The following PALD1 variants were observed in gnomAD, a reference collection of about 807,000 sequenced individuals.
The protein encoded by PALD1 is paladin.
Under a neutral mutation model 96.0 loss-of-function variants are expected in PALD1, and 57 were observed. That is an observed-to-expected ratio of 0.59 (90% confidence interval 0.48 to 0.74). The LOEUF is 0.74. Ranked by LOEUF, PALD1 falls within the 30% of genes least tolerant of loss-of-function variation. The pLI, the probability that PALD1 is intolerant of heterozygous loss-of-function variation, is 0.00. For missense variants in PALD1, 1,063 were observed against 1,143.7 expected (o/e 0.93, Z 1.02); for synonymous variants, 464 against 473.6 (o/e 0.98, Z 0.26).
At chr10:70,554,905 C>A (rs1847561102) in intron 18 of PALD1, among the ~76,000 whole-genome samples, 1 of 93,046 alleles carries the variant, frequency 1.1e-5, no homozygotes, top group South Asian at 5.0e-4. Flanking sequence ...TTTGAGCCTC[C>A]CCTCCCCTCT....
At chr10:70,484,208 G>A (rs1256309524) in intron 1 of PALD1, among the ~76,000 whole-genome samples, 1 of 152,094 alleles carries the variant, frequency 6.6e-6, no homozygotes, top group African/African-American at 2.4e-5. Flanking sequence ...TCACCGCATT[G>A]GCCAGGCTGG....
At chr10:70,498,352 T>G (rs1302868085) in intron 1 of PALD1, among the ~76,000 whole-genome samples, 1 of 152,142 alleles carries the variant, frequency 6.6e-6, no homozygotes, top group East Asian at 1.9e-4. Context: ...TGGTCCTAGC[T>G]CACTGCAACC....
intron 19 of PALD1, among the ~76,000 whole-genome samples, chr10:70,565,744 G>A (rs1847834535): frequency 6.6e-6 from 1 of 152,296 alleles, no homozygotes; most frequent in Admixed American, 6.5e-5. Flanking sequence ...GCCTTCTTGA[G>A]CAGGCCTGGG....
At chr10:70,470,781 G>GTATTTT in the PALD1 span, among the ~76,000 whole-genome samples, 1 of 149,834 alleles carries the variant, frequency 6.7e-6, no homozygotes, top group Non-Finnish European at 1.5e-5. Context: ...GGAAATTTTT[G>GTATTTT]TATTTTTATT....
chr10:70,520,711 G>A (rs1164187992), intron 1 of PALD1, among the ~76,000 whole-genome samples: 2 of 97,836 alleles, frequency 2.0e-5, no homozygotes, highest in South Asian at 3.8e-4. Flanking sequence ...TTTTTTTTGC[G>A]GTGGAGTGTT....
intron 1 of PALD1, among the ~76,000 whole-genome samples, chr10:70,501,360 T>C (rs1222949175): frequency 1.3e-5 from 2 of 152,200 alleles, no homozygotes; most frequent in East Asian, 3.9e-4. Context: ...AGAACCATCC[T>C]GAGAACTAAC....
intron 5 of PALD1, among the ~76,000 whole-genome samples, chr10:70,531,898 G>A (rs1847000481): frequency 6.6e-6 from 1 of 151,616 alleles, no homozygotes; most frequent in Non-Finnish European, 1.5e-5. Context: ...CAGGAGAATT[G>A]CTTGAACCTG....
intron 1 of PALD1, among the ~76,000 whole-genome samples, chr10:70,521,809 C>T (rs1846741792): frequency 1.3e-5 from 2 of 151,940 alleles, no homozygotes; most frequent in Non-Finnish European, 1.5e-5. Flanking sequence ...GCTAGGATTA[C>T]AGGCATGAAG....
chr10:70,507,129 C>T (rs1346212006), intron 1 of PALD1, among the ~76,000 whole-genome samples: 3 of 151,808 alleles, frequency 2.0e-5, no homozygotes, highest in South Asian at 2.1e-4. Context: ...AGGACAGGCA[C>T]GGTGGCTCGT....
At chr10:70,549,411 G>A (rs1213432996) in intron 18 of PALD1, among the ~76,000 whole-genome samples, 3 of 152,226 alleles carry the variant, frequency 2.0e-5, no homozygotes, top group African/African-American at 7.2e-5. Context: ...CTACCTCCCT[G>A]ACTCCTGAAG....
chr10:70,464,564 T>G, the PALD1 span, among the ~76,000 whole-genome samples: 840 of 151,932 alleles, frequency 5.5e-3, 3 homozygotes, highest in African/African-American at 0.019. Context: ...ATGATGTTGC[T>G]TTGTATGGGT....
intron 1 of PALD1, among the ~76,000 whole-genome samples, chr10:70,479,603 G>A (rs183022873): frequency 1.1e-4 from 16 of 152,314 alleles, no homozygotes; most frequent in African/African-American, 3.6e-4. Context: ...TTCCTGAAGG[G>A]GCAGTAACCT....
intron 1 of PALD1, among the ~76,000 whole-genome samples, chr10:70,499,541 A>G (rs1328341798): frequency 6.6e-6 from 1 of 152,230 alleles, no homozygotes; most frequent in East Asian, 1.9e-4. Flanking sequence ...CCCTGAAAAA[A>G]CAGCTACCAG....
intron 1 of PALD1, among the ~76,000 whole-genome samples, chr10:70,507,746 TGTGC>T (rs1208729760): frequency 3.9e-5 from 3 of 77,232 alleles, no homozygotes; most frequent in African/African-American, 8.6e-5. Context: ...ATGTTTTGTG[TGTGC>T]GTGTGTGTGT....
intron 1 of PALD1, among the ~76,000 whole-genome samples, chr10:70,501,813 C>CTGTGTG (rs71012209): frequency 0.024 from 3,370 of 139,264 alleles, 67 homozygotes; most frequent in South Asian, 0.055. Context: ...CATTTTTACT[C>CTGTGTG]TGTGTGTGTG....
At chr10:70,480,595 C>T (rs1384076046) in intron 1 of PALD1, among the ~76,000 whole-genome samples, 2 of 152,246 alleles carry the variant, frequency 1.3e-5, no homozygotes, top group Non-Finnish European at 2.9e-5. Flanking sequence ...CCTGCCCCCT[C>T]CCTCATTGTC....
chr10:70,547,027 A>G (rs1564706948), intron 17 of PALD1, among the ~76,000 whole-genome samples: 1 of 152,344 alleles, frequency 6.6e-6, no homozygotes, highest in East Asian at 1.9e-4. Context: ...CCTTTTTTAG[A>G]TATTCGGTAC....
intron 10 of PALD1, among the ~76,000 whole-genome samples, chr10:70,535,296 A>T (rs1423984844): frequency 6.6e-6 from 1 of 152,210 alleles, no homozygotes; most frequent in Non-Finnish European, 1.5e-5. Flanking sequence ...GATAGTGTTT[A>T]TATCATACAG....
At chr10:70,509,487 A>C (rs909525298) in intron 1 of PALD1, among the ~76,000 whole-genome samples, 15 of 152,214 alleles carry the variant, frequency 9.9e-5, no homozygotes, top group African/African-American at 3.6e-4. Flanking sequence ...GGGCTGCCCC[A>C]CAGAAGGAAC....
Sources: allele counts gnomAD v4.1 joint callset (sites outside exome capture counted in the v4.1 genomes callset), GRCh38; gene constraint gnomAD v4.1.1; transcripts MANE v1.5; gene names NCBI Gene and HGNC (gene_info 2026-07-23, HGNC 2026-07-21).